The following SCFD2 variants were observed in gnomAD, a reference collection of about 807,000 sequenced individuals.
SCFD2 encodes sec1 family domain containing 2.
Under a neutral mutation model 58.9 loss-of-function variants are expected in SCFD2, and 54 were observed. That is an observed-to-expected ratio of 0.92 (90% confidence interval 0.74 to 1.15). SCFD2 has a LOEUF of 1.15. SCFD2 is among the 50% of genes most tolerant of loss of function. The pLI is 0.00. For missense variants in SCFD2, 805 were observed against 836.6 expected (o/e 0.96, Z 0.47); for synonymous variants, 321 against 335.9 (o/e 0.96, Z 0.49).
At chr4:53,119,124 C>G (rs1159313705) in intron 5 of SCFD2, among the ~76,000 whole-genome samples, 1 of 152,124 alleles carries the variant, frequency 6.6e-6, no homozygotes, top group Admixed American at 6.6e-5. Flanking sequence ...TCGAGACCAG[C>G]CCGGCCAACA....
chr4:53,023,710 T>A (rs954700158), intron 5 of SCFD2, among the ~76,000 whole-genome samples: 1 of 152,194 alleles, frequency 6.6e-6, no homozygotes, highest in African/African-American at 2.4e-5. Flanking sequence ...TTATCACTGT[T>A]TTTGTAGTCT....
At chr4:53,246,985 T>TA (rs1730100315) in intron 4 of SCFD2, among the ~76,000 whole-genome samples, 1 of 47,598 alleles carries the variant, frequency 2.1e-5, no homozygotes, top group Non-Finnish European at 4.6e-5. Flanking sequence ...GTAAGGAACT[T>TA]AAAAAATTTA....
At chr4:53,124,084 G>C (rs1416785431) in intron 5 of SCFD2, among the ~76,000 whole-genome samples, 1 of 152,204 alleles carries the variant, frequency 6.6e-6, no homozygotes, top group African/African-American at 2.4e-5. Context: ...TGTCCTATTA[G>C]AGGGTCCAAT....
At chr4:52,923,445 T>C (rs1719789263) in intron 5 of SCFD2, among the ~76,000 whole-genome samples, 1 of 151,434 alleles carries the variant, frequency 6.6e-6, no homozygotes, top group Admixed American at 6.6e-5. Context: ...GCCACAGCAC[T>C]CCAGCATGGG....
intron 4 of SCFD2, among the ~76,000 whole-genome samples, chr4:53,240,266 T>C (rs1729853764): frequency 6.6e-6 from 1 of 152,200 alleles, no homozygotes; most frequent in Non-Finnish European, 1.5e-5. Context: ...TAATTGATCG[T>C]AACACACACC....
chr4:53,177,960 C>T (rs903778832), intron 4 of SCFD2, among the ~76,000 whole-genome samples: 10 of 152,124 alleles, frequency 6.6e-5, no homozygotes, highest in Admixed American at 1.3e-4. Context: ...GGGGGAGGGG[C>T]GCCCGCCATT....
At chr4:53,271,332 C>G (rs1457597197) in intron 4 of SCFD2, among the ~76,000 whole-genome samples, 8 of 151,774 alleles carry the variant, frequency 5.3e-5, no homozygotes, top group African/African-American at 1.5e-4. Flanking sequence ...CACACACACA[C>G]AGCACAAATG....
intron 5 of SCFD2, among the ~76,000 whole-genome samples, chr4:53,084,484 A>G (rs1469306301): frequency 6.6e-6 from 1 of 152,196 alleles, no homozygotes; most frequent in East Asian, 1.9e-4. Context: ...CAGTTAACCC[A>G]ATTATCACAG....
At chr4:53,321,048 T>C (rs953605491) in intron 2 of SCFD2, among the ~76,000 whole-genome samples, 34 of 152,228 alleles carry the variant, frequency 2.2e-4, no homozygotes, top group African/African-American at 7.7e-4. Context: ...ATACTAATTG[T>C]CATTTTTTGA....
chr4:53,313,973 G>A (rs768890342), intron 2 of SCFD2, among the ~76,000 whole-genome samples: 4 of 151,866 alleles, frequency 2.6e-5, no homozygotes, highest in Non-Finnish European at 5.9e-5. Context: ...AAAATCAAGT[G>A]AAAAAAAGGG....
intron 3 of SCFD2, among the ~76,000 whole-genome samples, chr4:53,293,000 AC>A (rs1731895620): frequency 6.6e-6 from 1 of 152,112 alleles, no homozygotes; most frequent in Non-Finnish European, 1.5e-5. Flanking sequence ...ACAAACCTGC[AC>A]GTTCTGCACA....
chr4:53,179,380 A>T (rs1727463207), intron 4 of SCFD2, among the ~76,000 whole-genome samples: 1 of 152,194 alleles, frequency 6.6e-6, no homozygotes, highest in Non-Finnish European at 1.5e-5. Context: ...TCAACCCAGA[A>T]TCTCATATCC....
At chr4:53,036,206 C>T (rs1053791429) in intron 5 of SCFD2, among the ~76,000 whole-genome samples, 1 of 151,876 alleles carries the variant, frequency 6.6e-6, no homozygotes, top group African/African-American at 2.4e-5. Context: ...CTATCCCTCC[C>T]CCAGCCCCCA....
At chr4:53,141,545 C>A (rs996118414) in intron 5 of SCFD2, among the ~76,000 whole-genome samples, 13 of 151,978 alleles carry the variant, frequency 8.6e-5, no homozygotes, top group African/African-American at 3.1e-4. Flanking sequence ...AAAAGGACAC[C>A]TCTTCATTTA....
At chr4:53,271,398 T>C (rs1731162132) in intron 4 of SCFD2, among the ~76,000 whole-genome samples, 2 of 151,962 alleles carry the variant, frequency 1.3e-5, no homozygotes, top group African/African-American at 2.4e-5. Flanking sequence ...ATATTTATGA[T>C]GTGGTTTAAA....
rs888686082 is a variant in SCFD2 at position 53,062,244 on chromosome 4, C to T, written c.1561+83089G>A. 4.5e-4 allele frequency among the ~76,000 whole-genome samples: 69 copies of T among 151,680 alleles called. 1 individual carries two copies. The highest frequency in any genetic ancestry group is 3.9e-4 in the Admixed American group (6 of 15,208). ...AAAATTAGCCAGGCAAGGTGGTAGG[C>T]GCCTGTAATCCCTGCTACTTGGGAA... is the stretch of plus-strand genomic sequence containing the variant. On this transcript the variant is annotated intron_variant, in intron 5 of 8. Coordinates refer to ENST00000401642, the MANE Select transcript of SCFD2 (RefSeq NM_152540.4).
At chr4:53,034,460 G>GAAAGA (rs563563202) in intron 5 of SCFD2, among the ~76,000 whole-genome samples, 17 of 152,266 alleles carry the variant, frequency 1.1e-4, no homozygotes, top group Admixed American at 1.1e-3. Context: ...CACAGTGTTG[G>GAAAGA]AAATTCTGGC....
At chr4:53,181,636 G>C (rs1244877430) in intron 4 of SCFD2, among the ~76,000 whole-genome samples, 1 of 152,162 alleles carries the variant, frequency 6.6e-6, no homozygotes, top group Non-Finnish European at 1.5e-5. Flanking sequence ...GTTCAATATA[G>C]TGTTGGAAGT....
chr4:53,196,222 A>T (rs1425279613), intron 4 of SCFD2, among the ~76,000 whole-genome samples: 1 of 152,150 alleles, frequency 6.6e-6, no homozygotes, highest in Non-Finnish European at 1.5e-5. Flanking sequence ...ATGAAAATAA[A>T]TTGAAAGTAG....
Sources: allele counts gnomAD v4.1 joint callset (sites outside exome capture counted in the v4.1 genomes callset), GRCh38; gene constraint gnomAD v4.1.1; transcripts MANE v1.5; gene names NCBI Gene and HGNC (gene_info 2026-07-23, HGNC 2026-07-21).